The following NDFIP1 variants were observed in gnomAD, a reference collection of about 807,000 sequenced individuals.
NDFIP1 encodes NEDD4 family-interacting protein 1.
A neutral mutation model predicts 28.8 loss-of-function variants in NDFIP1; 7 were observed. The observed-to-expected ratio is 0.24, with a 90% CI of 0.14 to 0.46. The LOEUF (loss-of-function observed/expected upper bound fraction) is 0.46. Among genes scored for constraint, NDFIP1 ranks in the 20% least tolerant of loss-of-function variants. NDFIP1 has a pLI of 0.99. For synonymous variants in NDFIP1, 92 were observed against 101.0 expected (o/e 0.91, Z 0.53); for missense variants, 194 against 269.1 (o/e 0.72, Z 1.95).
rs745772278 is a variant in NDFIP1 at position 142,148,777 on chromosome 5, A to AAAG, written c.*3-2954_*3-2953insAAG. Among the ~76,000 whole-genome samples the AAAG allele has an allele frequency of 1.2e-3, 119 of 95,982 alleles. 24 individuals are homozygous for AAAG. Among genetic ancestry groups the AAAG allele is most frequent in the East Asian group, 3.9e-3 (10 of 2,564 alleles). The allele number at this position is 95,982 out of a possible 152,430, so 63.0% of individuals were successfully genotyped here. ...AAAAAAAAAAAAAAAAAAAAAAAAA[A>AAAG]GTATGTGACTGAGGAAGCAGAAGAA... On this transcript the variant is annotated intron_variant, in intron 7 of 7. Coordinates refer to ENST00000253814, the MANE Select transcript of NDFIP1 (RefSeq NM_030571.4).
At chr5:142,117,794 C>G (rs1450945850) in intron 1 of NDFIP1, among the ~76,000 whole-genome samples, 1 of 141,024 alleles carries the variant, frequency 7.1e-6, no homozygotes, top group Non-Finnish European at 1.5e-5. Context: ...GCCACATAGT[C>G]TCGGCTCACT....
chr5:142,135,550 C>T lies in NDFIP1; in HGVS notation c.283-180C>T, dbSNP rs4544850. Among the ~76,000 whole-genome samples, 1,164 of 152,208 alleles carry T rather than the reference C, an allele frequency of 7.6e-3. 22 individuals carry two copies. Among genetic ancestry groups the T allele is most frequent in the African/African-American group, 0.027 (1,103 of 41,522 alleles). On this transcript the variant is annotated intron_variant, in intron 3 of 7. Transcript: ENST00000253814. ...CTGGGGATAGAAGAAAGATTTGCTT[C>T]TTTTCTAATTATATATTAATAATGC...
At chr5:142,126,320 A>C (rs62384627) in intron 1 of NDFIP1, among the ~76,000 whole-genome samples, 1,669 of 152,326 alleles carry the variant, frequency 0.011, 19 homozygotes, top group Middle Eastern at 0.02. Flanking sequence ...CTAAGATAGA[A>C]GTAGTAAATA....
chr5:142,148,374 A>G (rs1392410189), intron 7 of NDFIP1, among the ~76,000 whole-genome samples: 1 of 152,222 alleles, frequency 6.6e-6, no homozygotes. Flanking sequence ...GGAAAAATGT[A>G]TTAATAAGCT....
chr5:142,109,051 G>A lies in NDFIP1; in HGVS notation c.63+14G>A. 1 of 1,406,486 alleles carries A rather than the reference G, an allele frequency of 7.1e-7. No homozygotes were observed. Among genetic ancestry groups the A allele is most frequent in the Non-Finnish European group, 9.3e-7 (1 of 1,079,814 alleles). The allele number at this position is 1,406,486 out of a possible 1,614,324, so 87.1% of individuals were successfully genotyped here. ...CGGTACCAGCAGGTAAGCGGCGCCCGACTCCAGCCCCGAACTCCGGTCCCT... is the reference window on the plus strand; with the variant it reads ...CGGTACCAGCAGGTAAGCGGCGCCCAACTCCAGCCCCGAACTCCGGTCCCT... On this transcript the variant is annotated intron_variant, in intron 1 of 7. Transcript: ENST00000253814.
At chr5:142,125,077 C>T (rs941946212) in intron 1 of NDFIP1, among the ~76,000 whole-genome samples, 11 of 152,156 alleles carry the variant, frequency 7.2e-5, no homozygotes, top group Non-Finnish European at 1.0e-4. Context: ...CTGCCTGCCT[C>T]GGCCTCCCAA....
At chr5:142,147,890 T>A (rs145732445) in intron 7 of NDFIP1, among the ~76,000 whole-genome samples, 36 of 152,088 alleles carry the variant, frequency 2.4e-4, no homozygotes, top group African/African-American at 8.7e-4. Context: ...GAATACAGAG[T>A]TTATGCAAGT....
intron 1 of NDFIP1, among the ~76,000 whole-genome samples, chr5:142,118,178 A>G (rs12109804): frequency 0.11 from 16,443 of 152,252 alleles, 1,235 homozygotes; most frequent in East Asian, 0.37. Context: ...ATTGTTATCA[A>G]TTAAAGTCTG....
At chr5:142,118,654 A>G (rs545751564) in intron 1 of NDFIP1, among the ~76,000 whole-genome samples, 1 of 152,328 alleles carries the variant, frequency 6.6e-6, no homozygotes, top group South Asian at 2.1e-4. Context: ...TGGTCCACAC[A>G]TAAGGAGTGG....
At position 142,150,471 on chromosome 5, in the gene NDFIP1, A is replaced by C. The variant is rs541791519; in HGVS notation, c.*3-1260A>C. 3.3e-5 allele frequency among the ~76,000 whole-genome samples: 5 copies of C among 152,068 alleles called. No individual in the cohort carries two copies. The South Asian group carries it at 1.0e-3, about 31-fold the overall frequency. On this transcript the variant is annotated intron_variant, in intron 7 of 7. Coordinates refer to ENST00000253814, the MANE Select transcript of NDFIP1 (RefSeq NM_030571.4). ...GAATTTATAGTTTGGAAAAATGTTG[A>C]TAATATTAAAATATGTTCATTTCCT...
chr5:142,148,660 A>G (rs539377329), intron 7 of NDFIP1, among the ~76,000 whole-genome samples: 2 of 150,952 alleles, frequency 1.3e-5, no homozygotes, highest in South Asian at 4.2e-4. Context: ...CTGAGGCAGA[A>G]GAATCGCTTG....
intron 1 of NDFIP1, among the ~76,000 whole-genome samples, chr5:142,111,044 G>A (rs1757009666): frequency 6.6e-6 from 1 of 151,826 alleles, no homozygotes; most frequent in South Asian, 2.1e-4. Context: ...TGCATTAGCA[G>A]ATATATACAC....
intron 1 of NDFIP1, among the ~76,000 whole-genome samples, chr5:142,114,696 A>G (rs1757048286): frequency 6.6e-6 from 1 of 152,264 alleles, no homozygotes; most frequent in South Asian, 2.1e-4. Context: ...TGAGGAATAT[A>G]TCATGAGAGC....
Position 142,144,690 on chromosome 5 carries a change from A to C in NDFIP1, c.*2+14A>C. ...TATTTATTAAAGGTATTAAAGAAAAAATTTATTCTAGTCCCAGTGTAACCA... is the reference window on the plus strand; with the variant it reads ...TATTTATTAAAGGTATTAAAGAAAACATTTATTCTAGTCCCAGTGTAACCA... On this transcript the variant is annotated intron_variant, in intron 7 of 7. Coordinates refer to ENST00000253814, the MANE Select transcript of NDFIP1 (RefSeq NM_030571.4). The C allele has an allele frequency of 6.7e-7, 1 of 1,496,868 alleles. No individual in the cohort carries two copies. The allele number at this position is 1,496,868 out of a possible 1,614,324, so 92.7% of individuals were successfully genotyped here. A position where few individuals can be genotyped will look rare whatever the true frequency, so the allele number is the denominator to read the frequency against.
rs1757072780 is a variant in NDFIP1 at position 142,116,715 on chromosome 5, A to G, written c.63+7678A>G. On this transcript the variant is annotated intron_variant, in intron 1 of 7. Transcript: ENST00000253814. Reference sequence around the variant, plus strand: ...CTCTCCTCTTCTTTTTTATTTATTTATTTATTTATTTTTGAGACAGGGTCT... The same window carrying G: ...CTCTCCTCTTCTTTTTTATTTATTTGTTTATTTATTTTTGAGACAGGGTCT... Among the ~76,000 whole-genome samples the G allele has an allele frequency of 3.3e-5, 5 of 149,730 alleles. No individual in the cohort carries two copies. In the Admixed American group the frequency reaches 3.3e-4, roughly 10 times the overall value.
Position 142,153,596 on chromosome 5 carries a change from G to T in NDFIP1, c.*1868G>T. ...TAATAGAGAAGGGAGTTTTATGGAAGTTTCTTTGAAGATTTTTTTTTTTCC... is the reference window on the plus strand; with the variant it reads ...TAATAGAGAAGGGAGTTTTATGGAATTTTCTTTGAAGATTTTTTTTTTTCC... On this transcript the variant is annotated 3_prime_UTR_variant, in exon 8 of 8. Transcript: ENST00000253814. 5 of 284,686 alleles carry T rather than the reference G, an allele frequency of 1.8e-5. No individual in the cohort carries two copies. Among genetic ancestry groups the T allele is most frequent in the Non-Finnish European group, 3.5e-5 (5 of 141,424 alleles). The allele number at this position is 284,686 out of a possible 1,614,324, so 17.6% of individuals were successfully genotyped here. A position where few individuals can be genotyped will look rare whatever the true frequency, so the allele number is the denominator to read the frequency against.
intron 5 of NDFIP1, among the ~76,000 whole-genome samples, chr5:142,138,839 C>T (rs1396632700): frequency 6.6e-6 from 1 of 151,498 alleles, no homozygotes. Flanking sequence ...AACTCTTGGA[C>T]ACCAAAGCCT....
In NDFIP1 at chr5:142,119,607, C is replaced by CT. The variant is rs975542295; in HGVS notation, c.63+10579dup. ...ATAAATTTTCACAAATGCATAGTGT[C>CT]TTTTTTTTTCTTTTTAAACAACACG... On this transcript the variant is annotated intron_variant, in intron 1 of 7. Coordinates refer to ENST00000253814, the MANE Select transcript of NDFIP1 (RefSeq NM_030571.4). Among the ~76,000 whole-genome samples the CT allele has an allele frequency of 4.0e-3, 599 of 151,404 alleles. 5 individuals are homozygous for CT. Among genetic ancestry groups the CT allele is most frequent in the African/African-American group, 0.013 (541 of 41,328 alleles).
chr5:142,116,045 G>A (rs979302312), intron 1 of NDFIP1, among the ~76,000 whole-genome samples: 1 of 151,928 alleles, frequency 6.6e-6, no homozygotes, highest in African/African-American at 2.4e-5. Context: ...CTCCCATTTT[G>A]GTATCTGTGG....
Sources: gnomAD v4.1 joint callset for allele counts (sites outside exome capture counted in the v4.1 genomes callset) on GRCh38, gnomAD v4.1.1 for gene constraint, MANE v1.5 for transcripts, NCBI Gene and HGNC (gene_info 2026-07-23, HGNC 2026-07-21) for gene names.